Variants in REDIC1 observed in about 807,000 individuals in gnomAD.
REDIC1 encodes regulator of DNA class I crossover intermediates 1.
At chr12:39,754,951 G>C in the REDIC1 span, 1 of 152,014 alleles carries the variant, frequency 6.6e-6, no homozygotes, top group African/African-American at 2.4e-5. Flanking sequence ...TGTCTTTCTA[G>C]ATGCTTTAAC....
chr12:39,659,652 C>T, the REDIC1 span, among the ~76,000 whole-genome samples: 2 of 147,888 alleles, frequency 1.4e-5, no homozygotes, highest in Non-Finnish European at 3.0e-5. Context: ...TCAGTATTTC[C>T]TCTGTCTCCT....
the REDIC1 span, among the ~76,000 whole-genome samples, chr12:39,752,888 G>A: frequency 6.6e-6 from 1 of 152,162 alleles, no homozygotes; most frequent in Non-Finnish European, 1.5e-5. Context: ...CTTCTATGCA[G>A]TGGTTTCTAA....
chr12:39,707,643 G>A, the REDIC1 span, among the ~76,000 whole-genome samples: 1 of 151,936 alleles, frequency 6.6e-6, no homozygotes, highest in East Asian at 1.9e-4. Context: ...TAAACAAAAT[G>A]TGTTAATTAA....
the REDIC1 span, among the ~76,000 whole-genome samples, chr12:39,735,586 C>T: frequency 6.6e-6 from 1 of 152,176 alleles, no homozygotes; most frequent in Admixed American, 6.5e-5. Flanking sequence ...GTAGTTTCTT[C>T]AGATGGCAAA....
the REDIC1 span, among the ~76,000 whole-genome samples, chr12:39,775,964 G>C: frequency 6.6e-6 from 1 of 152,160 alleles, no homozygotes. Context: ...CAAAAAGCTT[G>C]GAATTTTGGA....
the REDIC1 span, among the ~76,000 whole-genome samples, chr12:39,735,565 A>G: frequency 1.3e-5 from 2 of 152,222 alleles, no homozygotes; most frequent in African/African-American, 4.8e-5. Context: ...CAAAAATACA[A>G]CTTTCTCATT....
At chr12:39,682,422 C>T in the REDIC1 span, among the ~76,000 whole-genome samples, 8 of 151,818 alleles carry the variant, frequency 5.3e-5, no homozygotes, top group Admixed American at 5.3e-4. Flanking sequence ...CTCAATAAGT[C>T]ATTAGAAGAC....
At chr12:39,809,933 G>C in the REDIC1 span, among the ~76,000 whole-genome samples, 1 of 152,118 alleles carries the variant, frequency 6.6e-6, no homozygotes, top group African/African-American at 2.4e-5. Flanking sequence ...TTGGTTTCAA[G>C]TCTTTGCTAT....
the REDIC1 span, among the ~76,000 whole-genome samples, chr12:39,714,398 T>C: frequency 2.5e-4 from 2 of 8,002 alleles, 1 homozygote; most frequent in African/African-American, 4.1e-4. Context: ...TGTATATATG[T>C]ATATATATGT....
At chr12:39,683,533 T>A in the REDIC1 span, 1 of 1,384,214 alleles carries the variant, frequency 7.2e-7, no homozygotes, top group Non-Finnish European at 1.0e-6. Flanking sequence ...TCTAGTATGA[T>A]GCATGATGAA....
At chr12:39,787,472 G>A in the REDIC1 span, among the ~76,000 whole-genome samples, 10 of 152,180 alleles carry the variant, frequency 6.6e-5, no homozygotes, top group East Asian at 1.7e-3. Context: ...ATCCTTTATC[G>A]GGATTTCTAG....
chr12:39,683,208 G>C, the REDIC1 span: 1 of 1,412,590 alleles, frequency 7.1e-7, no homozygotes, highest in Non-Finnish European at 9.6e-7. Context: ...ATATATATTT[G>C]TATATTCATA....
chr12:39,710,836 C>T, the REDIC1 span, among the ~76,000 whole-genome samples: 3 of 151,662 alleles, frequency 2.0e-5, no homozygotes, highest in Non-Finnish European at 4.4e-5. Flanking sequence ...TCTCTAATAA[C>T]TATCACAGTG....
At chr12:39,819,660 T>G in the REDIC1 span, 1 of 152,260 alleles carries the variant, frequency 6.6e-6, no homozygotes, top group African/African-American at 2.4e-5. Context: ...AAAATAATTT[T>G]GAAGTATGCG....
At chr12:39,865,464 T>C in the REDIC1 span, among the ~76,000 whole-genome samples, 1 of 152,222 alleles carries the variant, frequency 6.6e-6, no homozygotes, top group African/African-American at 2.4e-5. Flanking sequence ...TTCTTTTTTC[T>C]TTCCTGTTGG....
chr12:39,725,183 G>C, the REDIC1 span, among the ~76,000 whole-genome samples: 1 of 152,118 alleles, frequency 6.6e-6, no homozygotes, highest in Non-Finnish European at 1.5e-5. Flanking sequence ...TAACAGCAAT[G>C]ATGGAAGCTA....
chr12:39,705,523 G>A, the REDIC1 span, among the ~76,000 whole-genome samples: 1 of 152,058 alleles, frequency 6.6e-6, no homozygotes, highest in African/African-American at 2.4e-5. Flanking sequence ...GAAAACTACT[G>A]ATCAGTGTCT....
chr12:39,715,523 T>C, the REDIC1 span, among the ~76,000 whole-genome samples: 482 of 151,968 alleles, frequency 3.2e-3, 2 homozygotes, highest in African/African-American at 0.011. Flanking sequence ...ACGAATTCAA[T>C]GCAATTCCCA....
the REDIC1 span, among the ~76,000 whole-genome samples, chr12:39,711,743 G>T: frequency 1.6e-5 from 2 of 127,242 alleles, no homozygotes; most frequent in Admixed American, 7.7e-5. Context: ...GTGTATGTGT[G>T]TATACACATG....
Sources: gnomAD v4.1 joint callset for allele counts (sites outside exome capture counted in the v4.1 genomes callset) on GRCh38, gnomAD v4.1.1 for gene constraint, MANE v1.5 for transcripts, NCBI Gene and HGNC (gene_info 2026-07-23, HGNC 2026-07-21) for gene names.